Variants in PPP2R5D observed in about 807,000 individuals in gnomAD.
PPP2R5D encodes protein phosphatase 2 regulatory subunit B'delta, also known as serine/threonine-protein phosphatase 2A 56 kDa regulatory subunit delta isoform.
Under a neutral mutation model 79.1 loss-of-function variants are expected in PPP2R5D, and 12 were observed. That is an observed-to-expected ratio of 0.15 (90% confidence interval 0.10 to 0.25). The LOEUF is 0.25. PPP2R5D is among the 10% of genes least tolerant of loss of function. The pLI, the probability that PPP2R5D is intolerant of heterozygous loss-of-function variation, is 1.00. For missense variants in PPP2R5D, 419 were observed against 760.2 expected, an observed-to-expected ratio of 0.55 and a Z score of 5.28; for synonymous variants, 277 against 286.6, an observed-to-expected ratio of 0.97 and a Z score of 0.34.
rs979126801 is a variant in PPP2R5D at position 43,006,206 on chromosome 6, TG to T, written c.106-256del. On this transcript the variant is annotated intron_variant, in intron 2 of 15. Coordinates refer to ENST00000485511, the MANE Select transcript of PPP2R5D (RefSeq NM_006245.4). This position sits in a 1 kb window ranked among gnomAD's most constrained non-coding sequence, Gnocchi z 4.7. ...TCTATCAATTAGCTTTACCTGTTCA[TG>T]AACTGGAATGAACGTTTTAAAGGCT... is the stretch of plus-strand genomic sequence containing the variant. 6.6e-6 allele frequency among the ~76,000 whole-genome samples: 1 copy of T among 152,228 alleles called. No individual in the cohort carries two copies. The highest frequency in any genetic ancestry group is 2.4e-5 in the African/African-American group (1 of 41,450).
In PPP2R5D at chr6:43,008,283, A is replaced by G. The variant is rs1472379230; in HGVS notation, c.917+23A>G. On this transcript the variant is annotated intron_variant, in intron 8 of 15. Coordinates refer to ENST00000485511, the MANE Select transcript of PPP2R5D (RefSeq NM_006245.4). The surrounding 1 kb of genome is among the most constrained non-coding windows in gnomAD (Gnocchi z 4.2). ...CAGGTGAGAGGCCGGGTGGGGGCACAGATGCCTGAAAAAGGTTGGCAGGAT... is the reference window on the plus strand; with the variant it reads ...CAGGTGAGAGGCCGGGTGGGGGCACGGATGCCTGAAAAAGGTTGGCAGGAT... The G allele has an allele frequency of 3.7e-6, 6 of 1,614,184 alleles. No homozygotes were observed. The highest frequency in any genetic ancestry group is 5.1e-6 in the Non-Finnish European group (6 of 1,180,000).
At chr6:43,000,819 G>T (rs953198018) in intron 2 of PPP2R5D, among the ~76,000 whole-genome samples, 3 of 152,178 alleles carry the variant, frequency 2.0e-5, no homozygotes, top group African/African-American at 4.8e-5. Context: ...GAGGAGCCTG[G>T]GCAGGACCTG....
chr6:42,996,043 A>G (rs1581818072), intron 2 of PPP2R5D, among the ~76,000 whole-genome samples: 1 of 132,094 alleles, frequency 7.6e-6, no homozygotes, highest in Non-Finnish European at 1.6e-5. Context: ...ACGAGGTTTC[A>G]CCATGTTGGC....
rs1216196128 is a variant in PPP2R5D at position 43,009,907 on chromosome 6, A to G, written c.1379+458A>G. Among the ~76,000 whole-genome samples, 1 of 152,066 alleles carries G rather than the reference A, an allele frequency of 6.6e-6. No homozygotes were observed. The highest frequency in any genetic ancestry group is 2.4e-5 in the African/African-American group (1 of 41,408). ...ACATAGTGAAACCCCCATCTCTACT[A>G]AAAATACAAAAATTAGCTGGGTGTA... is the stretch of plus-strand genomic sequence containing the variant. On this transcript the variant is annotated intron_variant, in intron 12 of 15. Coordinates refer to ENST00000485511, the MANE Select transcript of PPP2R5D (RefSeq NM_006245.4). This position sits in a 1 kb window ranked among gnomAD's most constrained non-coding sequence, Gnocchi z 5.6.
chr6:42,990,187 C>T (rs537604354), intron 2 of PPP2R5D, among the ~76,000 whole-genome samples: 3 of 152,164 alleles, frequency 2.0e-5, no homozygotes, highest in Admixed American at 6.5e-5. Flanking sequence ...GCTTAGCAAT[C>T]TCGGGTTATA....
At chr6:43,002,811 T>C (rs1761832192) in intron 2 of PPP2R5D, among the ~76,000 whole-genome samples, 1 of 152,102 alleles carries the variant, frequency 6.6e-6, no homozygotes, top group Non-Finnish European at 1.5e-5. Flanking sequence ...TCTATTATTA[T>C]GGTAAGGAGT....
intron 2 of PPP2R5D, among the ~76,000 whole-genome samples, chr6:42,991,770 A>G (rs1771280813): frequency 6.6e-6 from 1 of 152,208 alleles, no homozygotes; most frequent in Admixed American, 6.5e-5. Flanking sequence ...TGAAGCCTGA[A>G]CAGGTTAAGG....
rs1287746242 is a variant in PPP2R5D at position 43,009,429 on chromosome 6, C to T, written c.1359C>T (p.Asn453=). 6.2e-7 allele frequency: 1 copy of T among 1,613,998 alleles called. No homozygotes were observed. Among genetic ancestry groups the T allele is most frequent in the Non-Finnish European group, 8.5e-7 (1 of 1,180,044 alleles). ...TCATGTTCCCTGCACTCTACAGGAA[C>T]TCCAAGAGCCACTGGAACAAGTAAG... ...LPIMFPALYR[N]SKSHWNKTIH... The change falls in exon 12 of 16, where the codon AAC becomes AAT. Residue 453 remains asparagine (N), a synonymous_variant. Coordinates refer to ENST00000485511, the MANE Select transcript of PPP2R5D (RefSeq NM_006245.4). The surrounding 1 kb of genome is among the most constrained non-coding windows in gnomAD (Gnocchi z 5.6).
chr6:43,011,239 C>T lies in PPP2R5D; in HGVS notation c.1762C>T (p.His588Tyr), dbSNP rs1363040405. The T allele has an allele frequency of 6.2e-6, 10 of 1,613,958 alleles. No individual in the cohort carries two copies. The highest frequency in any genetic ancestry group is 8.5e-6 in the Non-Finnish European group (10 of 1,180,014). ...DVYTIKALEA[H>Y]KRAEEFLTAS... ...GTACACCATCAAGGCACTGGAGGCG[C>T]ACAAGCGGGCGGAAGAGTTCCTAAC... Residue 588 changes from histidine to tyrosine, a missense_variant, in exon 16 of 16, where the codon CAC (histidine) becomes TAC (tyrosine). Physicochemically the swap from His to Tyr is moderately conservative, Grantham distance 83 (BLOSUM62 2). Transcript: ENST00000485511.
At chr6:42,999,540 G>T (rs1177700274) in intron 2 of PPP2R5D, among the ~76,000 whole-genome samples, 1 of 151,994 alleles carries the variant, frequency 6.6e-6, no homozygotes, top group African/African-American at 2.4e-5. Flanking sequence ...CAGCTCATTG[G>T]GTGGTTTTTA....
rs550377578 is a variant in PPP2R5D at position 43,005,626 on chromosome 6, G to GT, written c.106-825dup. On this transcript the variant is annotated intron_variant, in intron 2 of 15. Transcript: ENST00000485511. ...TGGCCTTTCTTTTACCTTTTGTTTT[G>GT]TTTTTTTTTTTTGAGACAAAGTCTC... Among the ~76,000 whole-genome samples, 1,044 of 136,126 alleles carry GT rather than the reference G, an allele frequency of 7.7e-3. 5 individuals are homozygous for GT. The highest frequency in any genetic ancestry group is 0.019 in the African/African-American group (715 of 38,540). 89.3% of individuals were successfully genotyped at this position (136,126 alleles called of 152,430 possible). A position where few individuals can be genotyped will look rare whatever the true frequency, so the allele number is the denominator to read the frequency against.
At chr6:42,993,959 C>T (rs1194200160) in intron 2 of PPP2R5D, among the ~76,000 whole-genome samples, 2 of 152,218 alleles carry the variant, frequency 1.3e-5, no homozygotes, top group Non-Finnish European at 2.9e-5. Flanking sequence ...CTTCACAATA[C>T]TCCCCTGAGA....
At chr6:43,001,095 G>A (rs1772163578) in intron 2 of PPP2R5D, among the ~76,000 whole-genome samples, 1 of 152,230 alleles carries the variant, frequency 6.6e-6, no homozygotes, top group Non-Finnish European at 1.5e-5. Context: ...TTGGAAGAAG[G>A]TGGGACTTAA....
chr6:42,990,216 C>T (rs962825936), intron 2 of PPP2R5D, among the ~76,000 whole-genome samples: 11 of 152,098 alleles, frequency 7.2e-5, no homozygotes, highest in African/African-American at 1.7e-4. Context: ...AACAGCAAGC[C>T]GAGAGAACAC....
rs1190895437 is a variant in PPP2R5D at position 43,004,759 on chromosome 6, CT to C, written c.106-1690del. 1.5e-3 allele frequency among the ~76,000 whole-genome samples: 215 copies of C among 140,110 alleles called. 1 individual carries two copies. The highest frequency in any genetic ancestry group is 1.6e-3 in the Admixed American group (23 of 13,982). 91.9% of individuals were successfully genotyped at this position (140,110 alleles called of 152,430 possible). ...ACTATGTATTACATAGTTTTCTTTT[CT>C]TTTTTTTTTTTTTGAGGCAGAGTCT... is the stretch of plus-strand genomic sequence containing the variant. On this transcript the variant is annotated intron_variant, in intron 2 of 15. Transcript: ENST00000485511.
chr6:42,993,446 C>T (rs956581108), intron 2 of PPP2R5D, among the ~76,000 whole-genome samples: 5 of 152,034 alleles, frequency 3.3e-5, no homozygotes, highest in Admixed American at 1.3e-4. Context: ...ACTCCAGCCT[C>T]GGTGACAAGA....
At chr6:42,991,123 A>C (rs944207556) in intron 2 of PPP2R5D, among the ~76,000 whole-genome samples, 1 of 152,136 alleles carries the variant, frequency 6.6e-6, no homozygotes, top group Non-Finnish European at 1.5e-5. Context: ...GGAAGGAGCT[A>C]TGTTATTCTG....
chr6:42,999,364 C>G (rs1333607172), intron 2 of PPP2R5D, among the ~76,000 whole-genome samples: 1 of 152,182 alleles, frequency 6.6e-6, no homozygotes, highest in Non-Finnish European at 1.5e-5. Context: ...GCAGAAACAG[C>G]TGTCTCTCAG....
At chr6:42,988,558 T>C (rs1478650412) in intron 1 of PPP2R5D, among the ~76,000 whole-genome samples, 1 of 152,240 alleles carries the variant, frequency 6.6e-6, no homozygotes, top group African/African-American at 2.4e-5. Context: ...TGCTTCTCCA[T>C]CCCTCATGAC....
Sources: allele counts gnomAD v4.1 joint callset (sites outside exome capture counted in the v4.1 genomes callset), GRCh38; gene constraint gnomAD v4.1.1; non-coding constraint Gnocchi (gnomAD v3.1); transcripts MANE v1.5; gene names NCBI Gene and HGNC (gene_info 2026-07-23, HGNC 2026-07-21).